Variants in SCIN observed in about 807,000 individuals in gnomAD.
SCIN encodes adseverin.
In SCIN, 91 loss-of-function variants were observed where a neutral mutation model predicts 91.8. That is an observed-to-expected ratio of 0.99 (90% confidence interval 0.84 to 1.18). The LOEUF is 1.18. Among genes scored for constraint, SCIN ranks in the 50% most tolerant of loss-of-function variants. The pLI is 0.00. For missense variants in SCIN, 1,087 were observed against 863.9 expected, an observed-to-expected ratio of 1.26 and a Z score of -3.24; for synonymous variants, 367 against 312.6, an observed-to-expected ratio of 1.17 and a Z score of -1.84.
intron 1 of SCIN, among the ~76,000 whole-genome samples, chr7:12,575,049 A>C (rs1455169916): frequency 6.6e-6 from 1 of 152,122 alleles, no homozygotes; most frequent in Admixed American, 6.5e-5. Context: ...CAGATCCTGT[A>C]CATGTTTTTA....
At chr7:12,603,653 A>G (rs111358894) in intron 3 of SCIN, among the ~76,000 whole-genome samples, 2 of 152,186 alleles carry the variant, frequency 1.3e-5, no homozygotes, top group East Asian at 1.9e-4. Context: ...TCTGGACACT[A>G]TACCAAAATC....
At chr7:12,622,663 A>G (rs2115270752) in intron 4 of SCIN, 138 bp from the exon 5 acceptor site, 5 of 627,146 alleles carry the variant, frequency 8.0e-6, no homozygotes, top group South Asian at 6.0e-5. Context: ...CCTTGTATGC[A>G]TTGATGAGAA....
At chr7:12,644,035 A>G in intron 11 of SCIN, 103 bp from the exon 12 acceptor site, 1 of 1,031,804 alleles carries the variant, frequency 9.7e-7, no homozygotes. Context: ...GGGATAGGGC[A>G]GAAGGCGATG....
Position 12,655,354 on chromosome 7 carries a change from A to C in SCIN, c.*2639A>C, listed in dbSNP as rs1019890399. On this transcript the variant is annotated 3_prime_UTR_variant, in exon 16 of 16. Coordinates refer to ENST00000297029, the MANE Select transcript of SCIN (RefSeq NM_001112706.3). ...TAACTTAGAAATTAATATGTAATAC[A>C]TACAGCTAATGTTATAGCTACTTAA... 1 of 152,242 alleles carries C rather than the reference A, an allele frequency of 6.6e-6. No individual in the cohort carries two copies. The highest frequency in any genetic ancestry group is 2.4e-5 in the African/African-American group (1 of 41,476). The allele number at this position is 152,242 out of a possible 1,614,324, so 9.4% of individuals were successfully genotyped here.
At position 12,655,023 on chromosome 7, in the gene SCIN, T is replaced by C. The variant is rs1784144620; in HGVS notation, c.*2308T>C. The C allele has an allele frequency of 6.6e-6, 1 of 152,170 alleles. No homozygotes were observed. Among genetic ancestry groups the C allele is most frequent in the African/African-American group, 2.4e-5 (1 of 41,448 alleles). The allele number at this position is 152,170 out of a possible 1,614,324, so 9.4% of individuals were successfully genotyped here. On this transcript the variant is annotated 3_prime_UTR_variant, in exon 16 of 16. Coordinates refer to ENST00000297029, the MANE Select transcript of SCIN (RefSeq NM_001112706.3). ...TTTTTCTTCAGTATCCGCGGGAGAT[T>C]GGCTCGAGGAACCCCATGGATACCA...
At chr7:12,601,715 C>A (rs956407594) in intron 3 of SCIN, among the ~76,000 whole-genome samples, 1 of 152,202 alleles carries the variant, frequency 6.6e-6, no homozygotes, top group African/African-American at 2.4e-5. Context: ...TCTGCATATG[C>A]ATGCCCTCTG....
chr7:12,612,792 A>G (rs1783223489), intron 4 of SCIN, among the ~76,000 whole-genome samples: 1 of 152,240 alleles, frequency 6.6e-6, no homozygotes, highest in Admixed American at 6.6e-5. Flanking sequence ...CTGAACAAAG[A>G]TAAGAAATTC....
chr7:12,644,293 G>A lies in SCIN; in HGVS notation c.1737G>A (p.Arg579=). ...GTGTCCTAAAGTGCAAAACCTTAAG[G>A]ATCCAAGAAGGCGAGGAGCCAGGTG... ...VASVLKCKTL[R]IQEGEEPEEF... Residue 579 remains arginine, a synonymous_variant, in exon 12 of 16, where the codon AGG becomes AGA. Transcript: ENST00000297029. The A allele has an allele frequency of 6.3e-7, 1 of 1,591,332 alleles. No individual in the cohort carries two copies. The highest frequency in any genetic ancestry group is 8.6e-7 in the Non-Finnish European group (1 of 1,168,462).
intron 3 of SCIN, among the ~76,000 whole-genome samples, chr7:12,588,686 C>T (rs997493111): frequency 2.0e-5 from 3 of 151,640 alleles, no homozygotes; most frequent in African/African-American, 4.9e-5. Context: ...CCACGTTTCT[C>T]GTGACCTCCC....
At chr7:12,635,726 A>G (rs1783737994) in intron 9 of SCIN, among the ~76,000 whole-genome samples, 1 of 149,734 alleles carries the variant, frequency 6.7e-6, no homozygotes, top group African/African-American at 2.5e-5. Flanking sequence ...TTTTCACTGT[A>G]GAGGTGTTTT....
rs373499945 is a variant in SCIN at position 12,625,161 on chromosome 7, G to A, written c.892+19G>A. On this transcript the variant is annotated intron_variant, in intron 6 of 15. Coordinates refer to ENST00000297029, the MANE Select transcript of SCIN (RefSeq NM_001112706.3). ...TGGAAAGGTAAAAAATTCCATTGAC[G>A]ATGCTGTATTTCAGATTTATAGATA... 8.0e-5 allele frequency: 128 copies of A among 1,598,562 alleles called. No homozygotes were observed. The highest frequency in any genetic ancestry group is 9.0e-5 in the Non-Finnish European group (105 of 1,172,372).
chr7:12,637,555 GA>G (rs2115289403), intron 10 of SCIN, among the ~76,000 whole-genome samples: 2 of 151,834 alleles, frequency 1.3e-5, no homozygotes, highest in East Asian at 3.9e-4. Flanking sequence ...CATGGAGGAA[GA>G]AATGAGACAA....
chr7:12,611,467 G>A (rs1351640080), intron 4 of SCIN, among the ~76,000 whole-genome samples: 1 of 151,984 alleles, frequency 6.6e-6, no homozygotes, highest in Non-Finnish European at 1.5e-5. Flanking sequence ...GACTTACATG[G>A]GTTTGTATTT....
At chr7:12,650,471 T>G (rs1784057882) in intron 14 of SCIN, among the ~76,000 whole-genome samples, 1 of 152,238 alleles carries the variant, frequency 6.6e-6, no homozygotes, top group South Asian at 2.1e-4. Flanking sequence ...TTGGAAGATT[T>G]CCCATGCCAC....
intron 4 of SCIN, among the ~76,000 whole-genome samples, chr7:12,611,978 CA>C (rs1783201932): frequency 6.6e-6 from 1 of 151,552 alleles, no homozygotes; most frequent in Non-Finnish European, 1.5e-5. Context: ...AATACCCACA[CA>C]AAAAATAAGT....
Position 12,651,820 on chromosome 7 carries a change from T to A in SCIN, c.1960-21T>A. The A allele has an allele frequency of 1.4e-6, 2 of 1,476,114 alleles. No individual in the cohort carries two copies. Among genetic ancestry groups the A allele is most frequent in the Non-Finnish European group, 1.9e-6 (2 of 1,068,582 alleles). The allele number at this position is 1,476,114 out of a possible 1,614,324, so 91.4% of individuals were successfully genotyped here. A position where few individuals can be genotyped will look rare whatever the true frequency, so the allele number is the denominator to read the frequency against. ...TCAACATCCCAGAAATCATACATAT[T>A]GTTATTGTTTCATTTTTCAGATATT... On this transcript the variant is annotated intron_variant, in intron 14 of 15. Coordinates refer to ENST00000297029, the MANE Select transcript of SCIN (RefSeq NM_001112706.3). The surrounding 1 kb of genome is among the most constrained non-coding windows in gnomAD (Gnocchi z 5.9).
chr7:12,646,273 T>G (rs1171886757), intron 13 of SCIN, among the ~76,000 whole-genome samples: 2 of 152,234 alleles, frequency 1.3e-5, no homozygotes, highest in Non-Finnish European at 2.9e-5. Context: ...TTCATGGTTC[T>G]GAAGGCTGAG....
chr7:12,632,749 C>T (rs1416564186), intron 9 of SCIN, among the ~76,000 whole-genome samples: 1 of 152,098 alleles, frequency 6.6e-6, no homozygotes, highest in Admixed American at 6.6e-5. Context: ...GTTTGGCCCA[C>T]ACTGTAAAAA....
chr7:12,605,145 G>A (rs369178706), intron 4 of SCIN, among the ~76,000 whole-genome samples: 12 of 152,058 alleles, frequency 7.9e-5, no homozygotes, highest in South Asian at 6.2e-4. Flanking sequence ...TCTGCCTCCC[G>A]GGTTCACGCC....
Sources: gnomAD v4.1 joint callset for allele counts (sites outside exome capture counted in the v4.1 genomes callset) on GRCh38, gnomAD v4.1.1 for gene constraint, Gnocchi (gnomAD v3.1) non-coding constraint, MANE v1.5 for transcripts, NCBI Gene and HGNC (gene_info 2026-07-23, HGNC 2026-07-21) for gene names.